TRDN: variants seen among roughly 807,000 people sequenced by gnomAD.
TRDN encodes the protein triadin, also known as triadin in skeletal muscle.
In TRDN, 161 loss-of-function variants were observed where a neutral mutation model predicts 149.7. The ratio of observed to expected loss-of-function variants is 1.08; its 90% CI spans 0.95 to 1.23. The LOEUF is 1.23. TRDN is among the 50% of genes most tolerant of loss of function. The pLI is 0.00. For synonymous variants in TRDN, 294 were observed against 250.5 expected (o/e 1.17, Z -1.64); for missense variants, 896 against 823.5 (o/e 1.09, Z -1.08).
intron 23 of TRDN, among the ~76,000 whole-genome samples, chr6:123,321,512 C>T (rs1377036873): frequency 6.6e-6 from 1 of 152,026 alleles, no homozygotes; most frequent in African/African-American, 2.4e-5. Context: ...CTACTACTTG[C>T]TATTACTACT....
chr6:123,315,802 T>C (rs1779000856), intron 24 of TRDN, among the ~76,000 whole-genome samples: 1 of 151,938 alleles, frequency 6.6e-6, no homozygotes, highest in Non-Finnish European at 1.5e-5. Context: ...TTCTATGATA[T>C]TCATCCACTC....
At chr6:123,249,190 T>A (rs549667148) in intron 38 of TRDN, among the ~76,000 whole-genome samples, 2 of 152,188 alleles carry the variant, frequency 1.3e-5, no homozygotes, top group African/African-American at 4.8e-5. Flanking sequence ...TATGAAAACA[T>A]GCTGAGCATT....
chr6:123,582,255 T>C (rs1783157663), intron 1 of TRDN, among the ~76,000 whole-genome samples: 1 of 151,988 alleles, frequency 6.6e-6, no homozygotes, highest in Non-Finnish European at 1.5e-5. Context: ...GTTGAAAAAG[T>C]TAAGTAAGAG....
At chr6:123,566,649 G>T (rs1353045855) in intron 2 of TRDN, among the ~76,000 whole-genome samples, 1 of 152,014 alleles carries the variant, frequency 6.6e-6, no homozygotes, top group Non-Finnish European at 1.5e-5. Flanking sequence ...TTTACCACTA[G>T]CCTTGTTTTG....
chr6:123,548,458 A>C lies in TRDN; in HGVS notation c.387T>G (p.Asp129Glu). 1 of 1,561,278 alleles carries C rather than the reference A, an allele frequency of 6.4e-7. No homozygotes were observed. ...ATATCTCTATGTTCTTTGTACCTTT[A>C]TCAGTATCTTCGTCACCATCATCAT... ...EEDDDGDEDT[D>E]KGEIDEPPLR... The change falls in exon 3 of 41, where the codon GAT (aspartate) becomes GAG (glutamate). Residue 129 changes from aspartate (D) to glutamate (E), a missense_variant. Coordinates refer to ENST00000334268, the MANE Select transcript of TRDN (RefSeq NM_006073.4).
intron 1 of TRDN, among the ~76,000 whole-genome samples, chr6:123,606,791 TTATG>T (rs1325671534): frequency 6.6e-6 from 1 of 152,236 alleles, no homozygotes; most frequent in Non-Finnish European, 1.5e-5. Context: ...CAGTTATAAA[TTATG>T]GGTTAGATGT....
chr6:123,554,891 T>C (rs540183558), intron 2 of TRDN, among the ~76,000 whole-genome samples: 1 of 152,302 alleles, frequency 6.6e-6, no homozygotes, highest in East Asian at 1.9e-4. Context: ...GCTCAAGGTC[T>C]GGCATTATTT....
At chr6:123,538,690 C>T (rs1254635779) in intron 4 of TRDN, among the ~76,000 whole-genome samples, 2 of 152,024 alleles carry the variant, frequency 1.3e-5, no homozygotes, top group African/African-American at 2.4e-5. Flanking sequence ...TGTTTGATTA[C>T]TTGGTAAGAT....
At chr6:123,360,703 AAG>A (rs930420318) in intron 20 of TRDN, among the ~76,000 whole-genome samples, 11 of 114,076 alleles carry the variant, frequency 9.6e-5, no homozygotes, top group East Asian at 7.5e-4. Flanking sequence ...GACAGAGAGA[AAG>A]AGAGAGAGAG....
intron 10 of TRDN, among the ~76,000 whole-genome samples, chr6:123,451,378 A>G (rs1019415892): frequency 2.0e-5 from 3 of 152,150 alleles, no homozygotes; most frequent in Admixed American, 2.0e-4. Context: ...AAGAGAAGAG[A>G]GAAAATACAA....
intron 1 of TRDN, among the ~76,000 whole-genome samples, chr6:123,585,271 G>A (rs1322027628): frequency 2.0e-5 from 3 of 151,862 alleles, no homozygotes; most frequent in African/African-American, 7.3e-5. Flanking sequence ...CGGCCTAATA[G>A]GGAACTGGGC....
Position 123,272,904 on chromosome 6 carries a change from T to C in TRDN, c.1672+60A>G, listed in dbSNP as rs968390873. Reference sequence around the variant, plus strand: ...TTAGACTTGACTCTAAACTCTTCCTTCTGCTAAAATTAGAACATTGAGAGG... The same window carrying C: ...TTAGACTTGACTCTAAACTCTTCCTCCTGCTAAAATTAGAACATTGAGAGG... On this transcript the variant is annotated intron_variant, in intron 29 of 40. Transcript: ENST00000334268. The C allele has an allele frequency of 7.4e-6, 9 of 1,223,612 alleles. No homozygotes were observed. The Admixed American group carries it at 8.2e-5, about 11-fold the overall frequency. 75.8% of individuals were successfully genotyped at this position (1,223,612 alleles called of 1,614,324 possible).
At chr6:123,576,682 A>C (rs1455801418) in intron 1 of TRDN, among the ~76,000 whole-genome samples, 4 of 151,958 alleles carry the variant, frequency 2.6e-5, no homozygotes, top group African/African-American at 9.7e-5. Context: ...CACCTTAGGA[A>C]TGAGGATTTC....
intron 13 of TRDN, among the ~76,000 whole-genome samples, chr6:123,393,292 T>G (rs1383642991): frequency 6.6e-6 from 1 of 152,068 alleles, no homozygotes; most frequent in Non-Finnish European, 1.5e-5. Context: ...TATAGAAAAG[T>G]GTACATTATT....
At chr6:123,423,174 A>G (rs1191820804) in intron 12 of TRDN, among the ~76,000 whole-genome samples, 7 of 152,212 alleles carry the variant, frequency 4.6e-5, no homozygotes, top group Non-Finnish European at 1.0e-4. Context: ...TTTAAAAAAC[A>G]GAAGTTAAAG....
At chr6:123,536,388 T>C (rs967572542) in intron 4 of TRDN, among the ~76,000 whole-genome samples, 1 of 152,112 alleles carries the variant, frequency 6.6e-6, no homozygotes, top group Non-Finnish European at 1.5e-5. Flanking sequence ...ATTTTACTTG[T>C]TTTTTATGAT....
chr6:123,368,444 C>G (rs1562281121), intron 19 of TRDN, among the ~76,000 whole-genome samples: 1 of 152,190 alleles, frequency 6.6e-6, no homozygotes, highest in Admixed American at 6.5e-5. Context: ...GGGAGTTTTT[C>G]TAAGCCTATG....
intron 23 of TRDN, among the ~76,000 whole-genome samples, chr6:123,330,020 G>T (rs1389664680): frequency 1.3e-5 from 2 of 151,958 alleles, no homozygotes; most frequent in Non-Finnish European, 2.9e-5. Context: ...CGATGAAATG[G>T]CTGGTGCTAG....
chr6:123,253,157 A>G (rs551225120), intron 37 of TRDN, among the ~76,000 whole-genome samples: 1 of 152,174 alleles, frequency 6.6e-6, no homozygotes, highest in East Asian at 1.9e-4. Flanking sequence ...ATGAGAGGTT[A>G]TTATTCTTCA....
Sources: allele counts gnomAD v4.1 joint callset (sites outside exome capture counted in the v4.1 genomes callset), GRCh38; gene constraint gnomAD v4.1.1; transcripts MANE v1.5; gene names NCBI Gene and HGNC (gene_info 2026-07-23, HGNC 2026-07-21).